Variants in HNRNPC observed in about 807,000 individuals in gnomAD.
The protein encoded by HNRNPC is heterogeneous nuclear ribonucleoprotein C.
HNRNPC carries 3 observed loss-of-function variants against 33.2 expected under a neutral mutation model. The ratio of observed to expected loss-of-function variants is 0.09; its 90% CI spans 0.04 to 0.23. The LOEUF (loss-of-function observed/expected upper bound fraction) is 0.23, where lower values mean the gene tolerates loss of function less well. Among genes scored for constraint, HNRNPC ranks in the 10% least tolerant of loss-of-function variants. The pLI, the probability that HNRNPC is intolerant of heterozygous loss-of-function variation, is 1.00. For missense variants in HNRNPC, 143 were observed against 366.7 expected (o/e 0.39, Z 4.98); for synonymous variants, 121 against 126.7 (o/e 0.96, Z 0.30).
chr14:21,257,095 C>T (rs560831786), intron 2 of HNRNPC, among the ~76,000 whole-genome samples: 1 of 152,178 alleles, frequency 6.6e-6, no homozygotes, highest in African/African-American at 2.4e-5. Context: ...GAGGCATGAA[C>T]ATCAGGAGCA....
At chr14:21,266,703 A>G (rs964418847) in intron 1 of HNRNPC, among the ~76,000 whole-genome samples, 9 of 150,922 alleles carry the variant, frequency 6.0e-5, no homozygotes, top group African/African-American at 2.2e-4. Context: ...GAATATGCAT[A>G]TTAAGAGCAA....
chr14:21,230,924 A>G, intron 4 of HNRNPC, 73 bp downstream of exon 4: 1 of 1,549,408 alleles, frequency 6.5e-7, no homozygotes, highest in Non-Finnish European at 8.9e-7. Flanking sequence ...CCACTGATGG[A>G]CACAATGCAG....
In HNRNPC at chr14:21,246,672, G is replaced by C. The variant is rs557275928; in HGVS notation, c.-36-12443C>G. Among the ~76,000 whole-genome samples the C allele has an allele frequency of 3.3e-5, 5 of 152,032 alleles. No homozygotes were observed. The East Asian group carries it at 9.6e-4, about 29-fold the overall frequency. The stretch of plus-strand genomic sequence containing the variant: ...CCCTTGGAAAAGAAAGGAATAATCT[G>C]GATGCTCTCCAGATGCTACTTTTCT... On this transcript the variant is annotated intron_variant, in intron 2 of 8. Coordinates refer to ENST00000553300, the MANE Select transcript of HNRNPC (RefSeq NM_004500.4).
intron 2 of HNRNPC, among the ~76,000 whole-genome samples, chr14:21,249,901 G>A (rs531844938): frequency 2.0e-5 from 3 of 152,108 alleles, no homozygotes; most frequent in Admixed American, 1.3e-4. Context: ...GCTTTACCTA[G>A]GTTAAGATTT....
At position 21,209,429 on chromosome 14, in the gene HNRNPC, C is replaced by G. The variant is rs187862617; in HGVS notation, c.*1794G>C. 1 of 151,870 alleles carries G rather than the reference C, an allele frequency of 6.6e-6. No homozygotes were observed. Among genetic ancestry groups the G allele is most frequent in the Non-Finnish European group, 1.5e-5 (1 of 68,024 alleles). The allele number at this position is 151,870 out of a possible 1,614,324, so 9.4% of individuals were successfully genotyped here. ...TAGCATCTTATACATCTGACACTCTCTCCTAAGCATCCAGTTTATTTTCTA... is the reference window on the plus strand; with the variant it reads ...TAGCATCTTATACATCTGACACTCTGTCCTAAGCATCCAGTTTATTTTCTA... On this transcript the variant is annotated 3_prime_UTR_variant, in exon 9 of 9. Coordinates refer to ENST00000553300, the MANE Select transcript of HNRNPC (RefSeq NM_004500.4).
chr14:21,237,439 T>C (rs1013837036), intron 2 of HNRNPC, among the ~76,000 whole-genome samples: 4 of 152,218 alleles, frequency 2.6e-5, no homozygotes, highest in African/African-American at 9.6e-5. Flanking sequence ...TTTTCCAGGA[T>C]TGATACTCTC....
At chr14:21,212,889 T>C (rs1891771879) in intron 6 of HNRNPC, 71 bp downstream of exon 6, 4 of 1,571,410 alleles carry the variant, frequency 2.5e-6, no homozygotes, top group East Asian at 2.2e-5. Flanking sequence ...CACAAAAATA[T>C]TGTAACTGCA....
intron 3 of HNRNPC, 172 bp from the exon 4 acceptor site, chr14:21,231,244 C>G (rs1894076781): frequency 1.4e-6 from 1 of 693,774 alleles, no homozygotes; most frequent in African/African-American, 1.8e-5. Context: ...AGCGATTCTC[C>G]TGCCTCAGCC....
Position 21,221,057 on chromosome 14 carries a change from T to C in HNRNPC, c.366-7940A>G, listed in dbSNP as rs1157100414. 2.6e-5 allele frequency among the ~76,000 whole-genome samples: 4 copies of C among 152,144 alleles called. No individual in the cohort carries two copies. In the East Asian group the frequency reaches 5.8e-4, roughly 22 times the overall value. ...AGCTGAGATCGTGCCACTGCACTCC[T>C]GCCTCAGCAATAGAGCAAGATCCTG... On this transcript the variant is annotated intron_variant, in intron 5 of 8. Transcript: ENST00000553300.
chr14:21,258,696 C>G (rs1172835813), intron 2 of HNRNPC, among the ~76,000 whole-genome samples: 1 of 152,050 alleles, frequency 6.6e-6, no homozygotes, highest in Non-Finnish European at 1.5e-5. Flanking sequence ...TTTTTTCTGC[C>G]AAATCAGAAA....
At chr14:21,218,704 A>AAAAAAAAAAAAAAAAAAAAAAAAAC (rs1225752731) in intron 5 of HNRNPC, among the ~76,000 whole-genome samples, 1 of 136,794 alleles carries the variant, frequency 7.3e-6, no homozygotes, top group African/African-American at 2.8e-5. Flanking sequence ...AAAAAAAAAA[A>AAAAAAAAAAAAAAAAAAAAAAAAAC]AAAACTGAAA....
chr14:21,242,298 CAT>C (rs1895442897), intron 2 of HNRNPC, among the ~76,000 whole-genome samples: 2 of 152,302 alleles, frequency 1.3e-5, no homozygotes, highest in South Asian at 4.1e-4. Flanking sequence ...AACTGGTCAA[CAT>C]AGTGAAACCC....
At chr14:21,253,799 C>T (rs1896924216) in intron 2 of HNRNPC, among the ~76,000 whole-genome samples, 1 of 152,062 alleles carries the variant, frequency 6.6e-6, no homozygotes, top group African/African-American at 2.4e-5. Flanking sequence ...GGCGCGGTGG[C>T]TCAGGCCTGT....
At chr14:21,228,714 CA>C (rs1270892832) in intron 5 of HNRNPC, among the ~76,000 whole-genome samples, 4 of 151,478 alleles carry the variant, frequency 2.6e-5, no homozygotes, top group African/African-American at 4.8e-5. Context: ...TTAAGAATTT[CA>C]AAAATTTCAA....
intron 2 of HNRNPC, among the ~76,000 whole-genome samples, chr14:21,253,892 C>A (rs935502372): frequency 6.6e-6 from 1 of 151,720 alleles, no homozygotes; most frequent in African/African-American, 2.4e-5. Context: ...GGTGAATCCC[C>A]GTCTCTACCA....
intron 5 of HNRNPC, among the ~76,000 whole-genome samples, chr14:21,226,339 AAAAAAAG>A (rs1164872677): frequency 6.6e-6 from 1 of 151,664 alleles, no homozygotes; most frequent in African/African-American, 2.4e-5. Context: ...AAAAAAAAAA[AAAAAAAG>A]AAAGAAAGAA....
At chr14:21,269,050 G>A (rs916154001) in intron 1 of HNRNPC, among the ~76,000 whole-genome samples, 1 of 152,108 alleles carries the variant, frequency 6.6e-6, no homozygotes, top group Non-Finnish European at 1.5e-5. Context: ...GAAAGCAGCC[G>A]TTAACACAGG....
At chr14:21,215,982 G>C (rs1448099654) in intron 5 of HNRNPC, among the ~76,000 whole-genome samples, 1 of 151,050 alleles carries the variant, frequency 6.6e-6, no homozygotes, top group Non-Finnish European at 1.5e-5. Context: ...GCTGGATGCA[G>C]TGGCACACCT....
chr14:21,259,613 C>T (rs1353146662), intron 2 of HNRNPC, among the ~76,000 whole-genome samples: 1 of 152,278 alleles, frequency 6.6e-6, no homozygotes, highest in Non-Finnish European at 1.5e-5. Flanking sequence ...AGCAATCATG[C>T]CAAATCTGTG....
Sources: gnomAD v4.1 joint callset for allele counts (sites outside exome capture counted in the v4.1 genomes callset) on GRCh38, gnomAD v4.1.1 for gene constraint, MANE v1.5 for transcripts, NCBI Gene and HGNC (gene_info 2026-07-23, HGNC 2026-07-21) for gene names.